The following EPHA4 variants were observed in gnomAD, a reference collection of about 807,000 sequenced individuals.
EPHA4 encodes the protein ephrin type-A receptor 4.
Under a neutral mutation model 108.3 loss-of-function variants are expected in EPHA4, and 19 were observed. The observed-to-expected ratio is 0.18, with a 90% CI of 0.12 to 0.26. EPHA4 has a LOEUF of 0.26. Ranked by LOEUF, EPHA4 falls within the 10% of genes least tolerant of loss-of-function variation. EPHA4 has a pLI of 1.00. For synonymous variants in EPHA4, 449 were observed against 455.5 expected, an observed-to-expected ratio of 0.99 and a Z score of 0.18; for missense variants, 917 against 1,254.0, an observed-to-expected ratio of 0.73 and a Z score of 4.06.
intron 16 of EPHA4, 46 bp from the exon 17 acceptor site, chr2:221,426,188 T>C (rs752760050): frequency 5.5e-5 from 82 of 1,503,248 alleles, no homozygotes; most frequent in Non-Finnish European, 7.5e-5. Flanking sequence ...TCACAGGGAC[T>C]GACAATCTCT....
rs2106209015 is a variant in EPHA4, at chr2:221,563,925, T to C, written c.629A>G (p.Asn210Ser). 1 of 1,614,124 alleles carries C rather than the reference T, an allele frequency of 6.2e-7. No homozygotes were observed. Among genetic ancestry groups the C allele is most frequent in the South Asian group, 1.1e-5 (1 of 91,064 alleles). ...FYKKCPLTVR[N>S]LAQFPDTITG... ...GATGGTGTCAGGAAACTGGGCCAGA[T>C]TGCGGACTGTGAGTGGACACTTTTT... is the stretch of plus-strand genomic sequence containing the variant. The change falls in exon 3 of 18, where the codon AAT (asparagine) becomes AGT (serine). Residue 210 changes from asparagine (N) to serine (S), a missense_variant. By Grantham distance (46) the Asn-to-Ser change is conservative. This residue lies in a region of EPHA4 where 758 missense variants were observed against 1,076.7 expected (regional missense o/e 0.70). Transcript: ENST00000281821.
chr2:221,480,313 C>T (rs1691781449), intron 5 of EPHA4, among the ~76,000 whole-genome samples: 1 of 152,098 alleles, frequency 6.6e-6, no homozygotes, highest in East Asian at 1.9e-4. Context: ...AAAGTCCATC[C>T]CTACTTATAA....
intron 13 of EPHA4, 56 bp from the exon 14 acceptor site, chr2:221,434,347 T>A: frequency 6.3e-7 from 1 of 1,577,032 alleles, no homozygotes; most frequent in Non-Finnish European, 8.6e-7. Flanking sequence ...TGTGCCATTT[T>A]AGATTCTGAA....
intron 3 of EPHA4, among the ~76,000 whole-genome samples, chr2:221,560,012 G>C (rs1168487324): frequency 6.6e-6 from 1 of 152,130 alleles, no homozygotes; most frequent in Non-Finnish European, 1.5e-5. Context: ...CTGGGGGTAG[G>C]AACTGCAAGA....
At chr2:221,440,099 C>T (rs1690371733) in intron 11 of EPHA4, among the ~76,000 whole-genome samples, 1 of 152,124 alleles carries the variant, frequency 6.6e-6, no homozygotes, top group Admixed American at 6.5e-5. Flanking sequence ...TAGGCCTGGG[C>T]TGGGCTCTTG....
intron 2 of EPHA4, among the ~76,000 whole-genome samples, chr2:221,565,686 A>C (rs142673673): frequency 6.6e-6 from 1 of 152,296 alleles, no homozygotes; most frequent in Admixed American, 6.5e-5. Context: ...TTCATCTGCC[A>C]CCATTATAAA....
chr2:221,451,603 T>A (rs1379215607), intron 8 of EPHA4, among the ~76,000 whole-genome samples: 1 of 152,186 alleles, frequency 6.6e-6, no homozygotes, highest in African/African-American at 2.4e-5. Context: ...GTACAAGAAG[T>A]GTTCTGCCTT....
At chr2:221,458,029 A>G in intron 5 of EPHA4, 39 bp from the exon 6 acceptor site, 1 of 1,591,376 alleles carries the variant, frequency 6.3e-7, no homozygotes, top group Non-Finnish European at 8.6e-7. Context: ...TATTTTCTTT[A>G]GGAAAATAAA....
chr2:221,450,457 C>T (rs16862680), intron 8 of EPHA4, among the ~76,000 whole-genome samples: 1 of 152,200 alleles, frequency 6.6e-6, no homozygotes, highest in Non-Finnish European at 1.5e-5. Flanking sequence ...AGTCTTGAAG[C>T]TTTGGTTCCA....
chr2:221,545,418 G>A (rs1175454628), intron 3 of EPHA4, among the ~76,000 whole-genome samples: 3 of 151,968 alleles, frequency 2.0e-5, no homozygotes, highest in East Asian at 1.9e-4. Flanking sequence ...GCAGTGAGCC[G>A]AGACTGCACC....
chr2:221,443,204 T>G (rs2106106074), intron 10 of EPHA4, among the ~76,000 whole-genome samples, 190 bp from the exon 11 acceptor site: 1 of 152,158 alleles, frequency 6.6e-6, no homozygotes, highest in South Asian at 2.1e-4. Context: ...TAGAGAAAAC[T>G]AAGGCTTAAT....
chr2:221,436,140 C>CA (rs946414893), intron 13 of EPHA4, among the ~76,000 whole-genome samples: 15 of 149,642 alleles, frequency 1.0e-4, no homozygotes, highest in East Asian at 2.0e-4. Flanking sequence ...CCTGCCCTCC[C>CA]AAAAAAAAAC....
chr2:221,470,274 A>G (rs1022352164), intron 5 of EPHA4, among the ~76,000 whole-genome samples: 15 of 151,720 alleles, frequency 9.9e-5, no homozygotes, highest in Non-Finnish European at 2.2e-4. Context: ...AGAAGTGATG[A>G]TCACGGACAG....
chr2:221,489,391 G>GA (rs1692075886), intron 4 of EPHA4, among the ~76,000 whole-genome samples: 1 of 152,156 alleles, frequency 6.6e-6, no homozygotes, highest in Non-Finnish European at 1.5e-5. Context: ...CAAAACTGTG[G>GA]AAAAAAGTAA....
intron 3 of EPHA4, among the ~76,000 whole-genome samples, chr2:221,552,325 A>G (rs1694185289): frequency 6.6e-6 from 1 of 152,162 alleles, no homozygotes; most frequent in South Asian, 2.1e-4. Context: ...CCTCTCCATA[A>G]TTACATGAAC....
intron 3 of EPHA4, among the ~76,000 whole-genome samples, chr2:221,540,242 G>A (rs1418086362): frequency 6.6e-6 from 1 of 152,134 alleles, no homozygotes; most frequent in African/African-American, 2.4e-5. Flanking sequence ...TTAATTCAAT[G>A]AATTCTCTCT....
chr2:221,435,159 T>C (rs1164221193), intron 13 of EPHA4, among the ~76,000 whole-genome samples: 1 of 152,136 alleles, frequency 6.6e-6, no homozygotes, highest in Non-Finnish European at 1.5e-5. Context: ...GGACAATAAA[T>C]TGTACTGGAA....
chr2:221,562,698 A>G (rs542446808), intron 3 of EPHA4, among the ~76,000 whole-genome samples: 3 of 152,234 alleles, frequency 2.0e-5, no homozygotes, highest in Non-Finnish European at 4.4e-5. Flanking sequence ...TGATAACTAC[A>G]TTATAAAAAC....
intron 3 of EPHA4, among the ~76,000 whole-genome samples, chr2:221,508,262 G>A (rs911924918): frequency 6.6e-6 from 1 of 152,166 alleles, no homozygotes; most frequent in African/African-American, 2.4e-5. Context: ...ATTTTGGAGT[G>A]GGGAGAGGGC....
Sources: allele counts gnomAD v4.1 joint callset (sites outside exome capture counted in the v4.1 genomes callset), GRCh38; gene constraint gnomAD v4.1.1; regional missense constraint gnomAD v4.1.1; transcripts MANE v1.5; gene names NCBI Gene and HGNC (gene_info 2026-07-23, HGNC 2026-07-21).